Variants in ARB2A observed in about 807,000 individuals in gnomAD.
The protein encoded by ARB2A is ARB2 cotranscriptional regulator A, also known as cotranscriptional regulator ARB2A.
the ARB2A span, among the ~76,000 whole-genome samples, chr5:94,014,297 G>A: frequency 6.6e-6 from 1 of 152,172 alleles, no homozygotes; most frequent in African/African-American, 2.4e-5. Flanking sequence ...CATTTGGGAT[G>A]AGCAGCACTC....
chr5:93,635,557 A>G, the ARB2A span, among the ~76,000 whole-genome samples: 1 of 149,064 alleles, frequency 6.7e-6, no homozygotes, highest in Non-Finnish European at 1.5e-5. Flanking sequence ...CTCCTGCCTC[A>G]GCCTCCCAAG....
At chr5:93,713,262 A>G in the ARB2A span, among the ~76,000 whole-genome samples, 1 of 152,306 alleles carries the variant, frequency 6.6e-6, no homozygotes, top group Non-Finnish European at 1.5e-5. Context: ...CAACAAAGTG[A>G]CAATCCCCAG....
the ARB2A span, among the ~76,000 whole-genome samples, chr5:93,826,972 C>T: frequency 6.6e-5 from 10 of 151,934 alleles, no homozygotes; most frequent in East Asian, 5.8e-4. Context: ...ATATGTGCCA[C>T]GTTTTTTTAA....
the ARB2A span, among the ~76,000 whole-genome samples, chr5:94,067,718 G>T: frequency 3.3e-5 from 5 of 152,068 alleles, no homozygotes; most frequent in East Asian, 1.9e-4. Context: ...TCATAGACTG[G>T]AATAATTCAA....
the ARB2A span, among the ~76,000 whole-genome samples, chr5:93,728,625 T>C: frequency 2.6e-5 from 4 of 152,066 alleles, no homozygotes; most frequent in Non-Finnish European, 5.9e-5. Flanking sequence ...TTAATTTCTC[T>C]GGACTTGCTG....
the ARB2A span, among the ~76,000 whole-genome samples, chr5:93,868,103 T>G: frequency 2.5e-4 from 38 of 152,284 alleles, no homozygotes; most frequent in South Asian, 2.3e-3. Flanking sequence ...GAGGATTGCT[T>G]GAGCCCAGGA....
the ARB2A span, chr5:93,804,854 A>G: frequency 6.5e-6 from 5 of 774,224 alleles, no homozygotes; most frequent in African/African-American, 9.4e-5. Context: ...AAAAATTTGA[A>G]ATTTGTACAT....
chr5:93,956,278 G>T, the ARB2A span, among the ~76,000 whole-genome samples: 1 of 152,198 alleles, frequency 6.6e-6, no homozygotes, highest in East Asian at 1.9e-4. Context: ...AGGGGCTGTT[G>T]TGGGAGTGGT....
chr5:93,754,598 T>C, the ARB2A span, among the ~76,000 whole-genome samples: 1 of 152,210 alleles, frequency 6.6e-6, no homozygotes. Flanking sequence ...TGCCAACTTG[T>C]AAGAAGTCAG....
the ARB2A span, among the ~76,000 whole-genome samples, chr5:94,002,361 G>A: frequency 1.3e-5 from 2 of 152,190 alleles, no homozygotes; most frequent in South Asian, 4.2e-4. Flanking sequence ...AAAGTAGAGG[G>A]AGAAGCCATA....
chr5:93,807,609 T>C, the ARB2A span, among the ~76,000 whole-genome samples: 2 of 151,926 alleles, frequency 1.3e-5, no homozygotes, highest in South Asian at 2.1e-4. Context: ...TGGTAACCTA[T>C]TGCAAACACC....
At chr5:93,928,063 A>T in the ARB2A span, among the ~76,000 whole-genome samples, 3 of 152,206 alleles carry the variant, frequency 2.0e-5, no homozygotes, top group Admixed American at 2.0e-4. Flanking sequence ...ATGGAAAGTT[A>T]AGGTTATATA....
chr5:94,093,549 C>T, the ARB2A span, among the ~76,000 whole-genome samples: 1 of 152,108 alleles, frequency 6.6e-6, no homozygotes, highest in African/African-American at 2.4e-5. Flanking sequence ...TAATGACTTC[C>T]TTACTCCAAA....
the ARB2A span, among the ~76,000 whole-genome samples, chr5:93,830,798 T>A: frequency 6.6e-6 from 1 of 152,172 alleles, no homozygotes; most frequent in Non-Finnish European, 1.5e-5. Flanking sequence ...GATTTTGGGA[T>A]GATTCAGGTG....
At chr5:94,028,751 G>A in the ARB2A span, among the ~76,000 whole-genome samples, 1 of 152,054 alleles carries the variant, frequency 6.6e-6, no homozygotes, top group Non-Finnish European at 1.5e-5. Context: ...CTATTTCTGT[G>A]GGGTTTTTTT....
At chr5:93,997,361 G>A in the ARB2A span, among the ~76,000 whole-genome samples, 1 of 151,984 alleles carries the variant, frequency 6.6e-6, no homozygotes, top group African/African-American at 2.4e-5. Flanking sequence ...ATTGTTCTAA[G>A]AACTGGATGA....
the ARB2A span, among the ~76,000 whole-genome samples, chr5:94,018,194 A>G: frequency 6.6e-6 from 1 of 152,198 alleles, no homozygotes; most frequent in Admixed American, 6.5e-5. Flanking sequence ...TGAAGTCTCA[A>G]TAAAGTGGTG....
the ARB2A span, chr5:93,881,707 A>G: frequency 6.9e-7 from 1 of 1,444,492 alleles, no homozygotes; most frequent in Non-Finnish European, 9.2e-7. Flanking sequence ...AAATGAAAGA[A>G]GGTAGCATAA....
At chr5:93,904,973 T>G in the ARB2A span, among the ~76,000 whole-genome samples, 3 of 151,704 alleles carry the variant, frequency 2.0e-5, no homozygotes, top group African/African-American at 7.2e-5. Flanking sequence ...TAATAAAGAC[T>G]ACAGAGGAAC....
Sources: allele counts gnomAD v4.1 joint callset (sites outside exome capture counted in the v4.1 genomes callset), GRCh38; gene constraint gnomAD v4.1.1; transcripts MANE v1.5; gene names NCBI Gene and HGNC (gene_info 2026-07-23, HGNC 2026-07-21).